CCDC85A: variants seen among roughly 807,000 people sequenced by gnomAD.
CCDC85A encodes the protein coiled-coil domain containing 85A.
A neutral mutation model predicts 50.2 loss-of-function variants in CCDC85A; 38 were observed. That is an observed-to-expected ratio of 0.76 (90% CI 0.58 to 0.99). CCDC85A has a LOEUF of 0.99. CCDC85A is among the 50% of genes least tolerant of loss of function. The pLI, the probability that CCDC85A is intolerant of heterozygous loss-of-function variation, is 0.00. For synonymous variants in CCDC85A, 366 were observed against 301.4 expected (o/e 1.21, Z -2.22); for missense variants, 820 against 742.0 (o/e 1.11, Z -1.22).
In CCDC85A at chr2:56,193,017, G is replaced by A; in HGVS notation, c.817G>A (p.Ala273Thr). The change falls in exon 2 of 6, where the codon GCA becomes ACA. Residue 273 changes from alanine to threonine, a missense_variant. Ala to Thr is a moderately conservative substitution (Grantham distance 58, BLOSUM62 0). Coordinates refer to ENST00000407595, the MANE Select transcript of CCDC85A (RefSeq NM_001080433.2). The part of the protein sequence containing the change: ...RACGTPDRPK[A>T]LKGPSPEHHK... ...CTGTGGAACCCCAGATCGCCCCAAAGCACTCAAAGGACCTAGCCCGGAGCA... is the reference window on the plus strand; with the variant it reads ...CTGTGGAACCCCAGATCGCCCCAAAACACTCAAAGGACCTAGCCCGGAGCA... 1.2e-6 allele frequency: 2 copies of A among 1,613,718 alleles called. No individual in the cohort carries two copies. The highest frequency in any genetic ancestry group is 1.7e-6 in the Non-Finnish European group (2 of 1,179,828).
intron 2 of CCDC85A, among the ~76,000 whole-genome samples, chr2:56,217,939 A>G (rs937606426): frequency 7.9e-5 from 12 of 151,814 alleles, no homozygotes; most frequent in African/African-American, 2.9e-4. Flanking sequence ...GCATATTTTA[A>G]TGATCATAGG....
intron 2 of CCDC85A, among the ~76,000 whole-genome samples, chr2:56,206,609 A>T (rs749413478): frequency 6.6e-6 from 1 of 152,160 alleles, no homozygotes; most frequent in Non-Finnish European, 1.5e-5. Flanking sequence ...ACCCACTCCC[A>T]TGATAACAAT....
intron 2 of CCDC85A, among the ~76,000 whole-genome samples, chr2:56,216,573 C>T (rs17047623): frequency 0.22 from 33,903 of 151,220 alleles, 4,260 homozygotes; most frequent in African/African-American, 0.3. Context: ...TCTTTTTTTC[C>T]TTAACCTCCC....
chr2:56,278,584 T>A (rs563926214), intron 2 of CCDC85A, among the ~76,000 whole-genome samples: 2 of 152,216 alleles, frequency 1.3e-5, no homozygotes, highest in South Asian at 4.1e-4. Context: ...ATTATTATTA[T>A]TTTTTTGGAG....
At chr2:56,252,356 T>C (rs1274307517) in intron 2 of CCDC85A, among the ~76,000 whole-genome samples, 1 of 152,152 alleles carries the variant, frequency 6.6e-6, no homozygotes, top group Non-Finnish European at 1.5e-5. Context: ...TCATCAACTA[T>C]TTTTTAAGTA....
At chr2:56,247,189 G>C (rs1344201998) in intron 2 of CCDC85A, among the ~76,000 whole-genome samples, 1 of 152,106 alleles carries the variant, frequency 6.6e-6, no homozygotes, top group African/African-American at 2.4e-5. Context: ...GTAATTTGAA[G>C]GTAACCAGAA....
At chr2:56,249,627 T>G (rs1669663172) in intron 2 of CCDC85A, among the ~76,000 whole-genome samples, 1 of 152,252 alleles carries the variant, frequency 6.6e-6, no homozygotes, top group Non-Finnish European at 1.5e-5. Flanking sequence ...AACTTGACCT[T>G]GTTACATATC....
intron 2 of CCDC85A, chr2:56,235,157 C>CTTA (rs1668950493): frequency 6.6e-6 from 1 of 152,116 alleles, no homozygotes; most frequent in Non-Finnish European, 1.5e-5. Context: ...AAGCTAAATA[C>CTTA]TTATCCCTAA....
chr2:56,368,291 G>T (rs528899184), intron 3 of CCDC85A, among the ~76,000 whole-genome samples: 2 of 152,126 alleles, frequency 1.3e-5, no homozygotes, highest in Non-Finnish European at 2.9e-5. Context: ...AGGCAAGAGG[G>T]TCTTAGCATT....
chr2:56,312,306 C>T (rs145708531), intron 2 of CCDC85A, among the ~76,000 whole-genome samples: 215 of 152,098 alleles, frequency 1.4e-3, no homozygotes, highest in Non-Finnish European at 2.0e-3. Flanking sequence ...ATTAGAATTT[C>T]GTGGACTGTG....
intron 3 of CCDC85A, among the ~76,000 whole-genome samples, chr2:56,358,151 A>G (rs970744060): frequency 5.3e-5 from 8 of 152,210 alleles, no homozygotes; most frequent in African/African-American, 1.7e-4. Context: ...CACTATCACC[A>G]CTACCTCCAC....
intron 3 of CCDC85A, among the ~76,000 whole-genome samples, chr2:56,343,517 A>G (rs1674479404): frequency 1.3e-5 from 2 of 152,132 alleles, no homozygotes; most frequent in African/African-American, 4.8e-5. Context: ...TTTTTCCAGG[A>G]TGTTTAATGT....
chr2:56,269,361 GTT>G (rs1670599019), intron 2 of CCDC85A, among the ~76,000 whole-genome samples: 1 of 140,104 alleles, frequency 7.1e-6, no homozygotes, highest in African/African-American at 2.7e-5. Flanking sequence ...GTGTGTGTGT[GTT>G]TGAAGGAGGA....
chr2:56,215,189 GGAA>G (rs1163037694), intron 2 of CCDC85A, among the ~76,000 whole-genome samples: 3 of 151,990 alleles, frequency 2.0e-5, no homozygotes, highest in East Asian at 3.9e-4. Flanking sequence ...CTGGTATATA[GGAA>G]GGCAATAGAC....
At chr2:56,340,666 G>A (rs535934654) in intron 2 of CCDC85A, among the ~76,000 whole-genome samples, 3 of 151,920 alleles carry the variant, frequency 2.0e-5, no homozygotes, top group Admixed American at 6.5e-5. Flanking sequence ...TTTTGAGGTC[G>A]GGAGTTCGAG....
chr2:56,284,091 T>G (rs1293596719), intron 2 of CCDC85A, among the ~76,000 whole-genome samples: 1 of 152,188 alleles, frequency 6.6e-6, no homozygotes, highest in Admixed American at 6.5e-5. Context: ...TACTTTCTAT[T>G]TCCCTGTGAT....
chr2:56,333,428 A>G (rs1178412009), intron 2 of CCDC85A, among the ~76,000 whole-genome samples: 3 of 152,206 alleles, frequency 2.0e-5, no homozygotes, highest in Non-Finnish European at 4.4e-5. Context: ...TGCAGAGTGA[A>G]TGAGGGCATG....
intron 2 of CCDC85A, among the ~76,000 whole-genome samples, chr2:56,300,166 C>G (rs1001460402): frequency 6.6e-6 from 1 of 151,526 alleles, no homozygotes; most frequent in African/African-American, 2.4e-5. Flanking sequence ...TATCAATGCA[C>G]CTTAGACACT....
At chr2:56,228,271 T>C (rs1230155593) in intron 2 of CCDC85A, among the ~76,000 whole-genome samples, 1 of 152,028 alleles carries the variant, frequency 6.6e-6, no homozygotes, top group Non-Finnish European at 1.5e-5. Context: ...ATGGCACATG[T>C]ATACATATGT....
Sources: allele counts gnomAD v4.1 joint callset (sites outside exome capture counted in the v4.1 genomes callset), GRCh38; gene constraint gnomAD v4.1.1; transcripts MANE v1.5; gene names NCBI Gene and HGNC (gene_info 2026-07-23, HGNC 2026-07-21).